Variants in COL26A1 observed in about 807,000 individuals in gnomAD.
COL26A1 encodes the protein collagen type XXVI alpha 1 chain, also known as collagen alpha-1(XXVI) chain.
A neutral mutation model predicts 59.3 loss-of-function variants in COL26A1; 41 were observed. The observed-to-expected ratio is 0.69, with a 90% CI of 0.54 to 0.90. The LOEUF (loss-of-function observed/expected upper bound fraction) is 0.90. Among genes scored for constraint, COL26A1 ranks in the 40% least tolerant of loss-of-function variants. COL26A1 has a pLI of 0.00. For synonymous variants in COL26A1, 266 were observed against 256.0 expected (o/e 1.04, Z -0.37); for missense variants, 612 against 602.3 (o/e 1.02, Z -0.17).
intron 5 of COL26A1, 91 bp from the exon 6 acceptor site, chr7:101,543,907 A>C: frequency 1.2e-6 from 1 of 854,348 alleles, no homozygotes; most frequent in Non-Finnish European, 1.8e-6. Flanking sequence ...TCCTGGGGGA[A>C]CGTAGGCTGA....
intron 1 of COL26A1, among the ~76,000 whole-genome samples, chr7:101,367,734 A>G (rs973733188): frequency 3.9e-5 from 6 of 152,056 alleles, no homozygotes; most frequent in Non-Finnish European, 7.4e-5. Context: ...GTGAGGACAC[A>G]GCACAGCAAG....
At chr7:101,423,335 C>T (rs765776712) in intron 2 of COL26A1, among the ~76,000 whole-genome samples, 1 of 152,074 alleles carries the variant, frequency 6.6e-6, no homozygotes, top group Non-Finnish European at 1.5e-5. Context: ...GACAAGCTAG[C>T]GCCTGAATCA....
At chr7:101,459,911 C>T (rs545647412) in intron 3 of COL26A1, among the ~76,000 whole-genome samples, 4 of 152,178 alleles carry the variant, frequency 2.6e-5, no homozygotes, top group Admixed American at 1.3e-4. Flanking sequence ...CCATTCTGCC[C>T]CGACTCTAGC....
intron 3 of COL26A1, among the ~76,000 whole-genome samples, chr7:101,503,869 T>A (rs1333511478): frequency 2.6e-5 from 4 of 152,156 alleles, no homozygotes; most frequent in Non-Finnish European, 5.9e-5. Context: ...ATTCTCCTCC[T>A]TGGAGAGTCC....
intron 3 of COL26A1, among the ~76,000 whole-genome samples, chr7:101,511,946 A>G (rs1326156053): frequency 6.6e-6 from 1 of 152,092 alleles, no homozygotes; most frequent in Non-Finnish European, 1.5e-5. Context: ...GCAGTGAGCT[A>G]TGATCACACC....
chr7:101,441,321 A>G (rs62463421), intron 2 of COL26A1, among the ~76,000 whole-genome samples: 26,960 of 152,024 alleles, frequency 0.18, 2,957 homozygotes, highest in Non-Finnish European at 0.24. Context: ...TTATATTTAT[A>G]TATTTTTTAA....
chr7:101,369,907 T>G (rs10953339), intron 1 of COL26A1, among the ~76,000 whole-genome samples: 88,022 of 151,530 alleles, frequency 0.58, 27,129 homozygotes, highest in African/African-American at 0.8. Context: ...TTGTTGCCCA[T>G]GCTGGAGTGC....
intron 3 of COL26A1, among the ~76,000 whole-genome samples, chr7:101,497,603 G>A (rs1416842502): frequency 6.6e-6 from 1 of 152,024 alleles, no homozygotes; most frequent in Non-Finnish European, 1.5e-5. Flanking sequence ...TTGAGCTCAG[G>A]AGGCTGAGGC....
At chr7:101,472,761 A>G (rs555403006) in intron 3 of COL26A1, among the ~76,000 whole-genome samples, 15 of 152,114 alleles carry the variant, frequency 9.9e-5, no homozygotes, top group African/African-American at 2.4e-4. Flanking sequence ...AAACACCGCA[A>G]TCTGTGGCTC....
At chr7:101,413,620 C>T (rs1203913004) in intron 1 of COL26A1, among the ~76,000 whole-genome samples, 1 of 152,068 alleles carries the variant, frequency 6.6e-6, no homozygotes, top group Non-Finnish European at 1.5e-5. Context: ...TCCTCAAGAC[C>T]TTTGCTAGGA....
intron 3 of COL26A1, among the ~76,000 whole-genome samples, chr7:101,485,145 C>T (rs2130503706): frequency 6.6e-6 from 1 of 152,328 alleles, no homozygotes; most frequent in Middle Eastern, 3.4e-3. Flanking sequence ...AGCCACCATG[C>T]CCGGCCTCAC....
At chr7:101,386,131 G>T (rs1235176407) in intron 1 of COL26A1, among the ~76,000 whole-genome samples, 4 of 152,182 alleles carry the variant, frequency 2.6e-5, no homozygotes, top group Non-Finnish European at 4.4e-5. Context: ...GAAGTAGAAG[G>T]CTCTGAGGGG....
At chr7:101,437,981 G>A (rs557762419) in intron 2 of COL26A1, among the ~76,000 whole-genome samples, 1 of 152,132 alleles carries the variant, frequency 6.6e-6, no homozygotes, top group East Asian at 1.9e-4. Context: ...CCGAAGTGTT[G>A]GGATTACAGG....
chr7:101,406,659 T>C (rs968278374), intron 1 of COL26A1, among the ~76,000 whole-genome samples: 3 of 152,190 alleles, frequency 2.0e-5, no homozygotes, highest in Non-Finnish European at 2.9e-5. Context: ...TTAAAAACTT[T>C]CCATGTGTTG....
intron 4 of COL26A1, among the ~76,000 whole-genome samples, chr7:101,539,362 T>A (rs1795558071): frequency 6.6e-6 from 1 of 151,618 alleles, no homozygotes; most frequent in African/African-American, 2.4e-5. Context: ...TCTCTTTTTG[T>A]AGATGTGGTC....
intron 3 of COL26A1, among the ~76,000 whole-genome samples, chr7:101,519,487 C>T (rs552456447): frequency 2.6e-5 from 4 of 152,262 alleles, no homozygotes; most frequent in African/African-American, 9.6e-5. Flanking sequence ...GAGAGGCTGC[C>T]GGGCCCTGCT....
At chr7:101,374,865 G>A (rs1256649594) in intron 1 of COL26A1, among the ~76,000 whole-genome samples, 1 of 152,078 alleles carries the variant, frequency 6.6e-6, no homozygotes, top group East Asian at 1.9e-4. Context: ...TTTGAGACCG[G>A]CCTGGCCAAC....
chr7:101,547,284 C>T (rs574560469), intron 8 of COL26A1, 45 bp downstream of exon 8: 43 of 1,396,482 alleles, frequency 3.1e-5, no homozygotes, highest in Non-Finnish European at 3.9e-5. Flanking sequence ...TCCATCCCCC[C>T]AGGGCTGGCC....
At chr7:101,396,709 A>G (rs923200208) in intron 1 of COL26A1, among the ~76,000 whole-genome samples, 1 of 151,950 alleles carries the variant, frequency 6.6e-6, no homozygotes, top group African/African-American at 2.4e-5. Context: ...TGATCCACCC[A>G]CCTCGGCCTC....
Sources: allele counts gnomAD v4.1 joint callset (sites outside exome capture counted in the v4.1 genomes callset), GRCh38; gene constraint gnomAD v4.1.1; transcripts MANE v1.5; gene names NCBI Gene and HGNC (gene_info 2026-07-23, HGNC 2026-07-21).